STK11: variants seen among roughly 807,000 people sequenced by gnomAD.
The protein encoded by STK11 is serine/threonine kinase 11.
A neutral mutation model predicts 47.3 loss-of-function variants in STK11; 8 were observed. The observed-to-expected ratio is 0.17, with a 90% confidence interval of 0.10 to 0.31. STK11 has a LOEUF of 0.31. STK11 is among the 10% of genes least tolerant of loss of function. The pLI, the probability that STK11 is intolerant of heterozygous loss-of-function variation, is 1.00. For missense variants in STK11, 475 were observed against 605.0 expected, an observed-to-expected ratio of 0.79 and a Z score of 2.25; for synonymous variants, 330 against 255.8, an observed-to-expected ratio of 1.29 and a Z score of -2.77.
chr19:1,226,435 C>T lies in STK11; in HGVS notation c.1109-19C>T. ...GTTGCGCCCCTCAGCTCAGGCCACACTTGCCGTCTCCCTCCCAGGACAGGT... is the reference window on the plus strand; with the variant it reads ...GTTGCGCCCCTCAGCTCAGGCCACATTTGCCGTCTCCCTCCCAGGACAGGT... On this transcript the variant is annotated intron_variant, in intron 8 of 9. Transcript: ENST00000326873. 6.2e-7 allele frequency: 1 copy of T among 1,607,326 alleles called. No individual in the cohort carries two copies. Among genetic ancestry groups the T allele is most frequent in the African/African-American group, 1.3e-5 (1 of 74,914 alleles).
intron 1 of STK11, 26 bp from the exon 2 acceptor site, chr19:1,218,391 A>AT (rs1568703156): frequency 6.2e-7 from 1 of 1,603,254 alleles, no homozygotes; most frequent in Non-Finnish European, 8.5e-7. Flanking sequence ...GGGTCGGCTG[A>AT]TACACCCCTG....
intron 1 of STK11, among the ~76,000 whole-genome samples, chr19:1,216,059 T>C (rs2080742803): frequency 1.3e-5 from 2 of 151,858 alleles, no homozygotes; most frequent in African/African-American, 4.8e-5. Flanking sequence ...TGCTCCATGC[T>C]TGGGCTTCCT....
chr19:1,208,028 C>T (rs942848253), intron 1 of STK11, among the ~76,000 whole-genome samples: 2 of 152,360 alleles, frequency 1.3e-5, no homozygotes, highest in African/African-American at 4.8e-5. Flanking sequence ...GCTGCACCTG[C>T]CGCCGCCTGG....
intron 8 of STK11, chr19:1,224,640 T>A (rs995762918): frequency 8.3e-5 from 82 of 985,460 alleles, no homozygotes; most frequent in Non-Finnish European, 9.9e-5. Flanking sequence ...CGGCACTGGC[T>A]TCCCTCCTGG....
intron 1 of STK11, among the ~76,000 whole-genome samples, chr19:1,215,719 T>C (rs1203201759): frequency 3.3e-5 from 5 of 151,312 alleles, no homozygotes; most frequent in Non-Finnish European, 7.4e-5. Flanking sequence ...GAAGGCTGGG[T>C]CGTGGGATAC....
In STK11 at chr19:1,227,804, T is replaced by C. The variant is rs1047906691; in HGVS notation, c.*228T>C. ...CCGGCAGTGCACGCGGCTTGTTGAC[T>C]TCGCAGCCCCGGGCGGAGCCTTCCC... On this transcript the variant is annotated 3_prime_UTR_variant, in exon 10 of 10. Coordinates refer to ENST00000326873, the MANE Select transcript of STK11 (RefSeq NM_000455.5). 3.7e-6 allele frequency: 4 copies of C among 1,072,956 alleles called. No individual in the cohort carries two copies. The highest frequency in any genetic ancestry group is 4.5e-6 in the Non-Finnish European group (4 of 884,024). 66.5% of individuals were successfully genotyped at this position (1,072,956 alleles called of 1,614,324 possible).
chr19:1,211,401 C>T (rs1043432324), intron 1 of STK11, among the ~76,000 whole-genome samples: 25 of 152,124 alleles, frequency 1.6e-4, no homozygotes, highest in Admixed American at 5.2e-4. Flanking sequence ...AGCCCGACTC[C>T]CCGTGCTTCT....
Position 1,228,177 on chromosome 19 carries a change from G to A in STK11, c.*601G>A, listed in dbSNP as rs575695993. ...GGGCTCACGTCGCGGCCGCCTTTGC[G>A]CTCTCGGGTCACCCTGCTTTGGCGG... On this transcript the variant is annotated 3_prime_UTR_variant, in exon 10 of 10. Coordinates refer to ENST00000326873, the MANE Select transcript of STK11 (RefSeq NM_000455.5). 1.3e-4 allele frequency: 132 copies of A among 1,051,094 alleles called. 1 individual carries two copies. In the African/African-American group the frequency reaches 1.9e-3, roughly 15 times the overall value. 65.1% of individuals were successfully genotyped at this position (1,051,094 alleles called of 1,614,324 possible).
At chr19:1,209,961 C>T (rs1165143035) in intron 1 of STK11, among the ~76,000 whole-genome samples, 1 of 152,168 alleles carries the variant, frequency 6.6e-6, no homozygotes, top group Non-Finnish European at 1.5e-5. Context: ...GAGTGATGCA[C>T]CCTCACTAGT....
intron 8 of STK11, chr19:1,225,901 C>T: frequency 1.0e-6 from 1 of 990,116 alleles, no homozygotes; most frequent in Non-Finnish European, 1.2e-6. Context: ...CTGTGGGTTT[C>T]ACCAGGGTGC....
At chr19:1,207,492 C>T (rs992504170) in intron 1 of STK11, among the ~76,000 whole-genome samples, 1 of 152,306 alleles carries the variant, frequency 6.6e-6, no homozygotes, top group Non-Finnish European at 1.5e-5. Context: ...GGGAGCGGCC[C>T]CCAATCCCCT....
At chr19:1,219,567 A>G (rs1342953270) in intron 3 of STK11, among the ~76,000 whole-genome samples, 154 bp downstream of exon 3, 2 of 150,080 alleles carry the variant, frequency 1.3e-5, no homozygotes, top group East Asian at 3.9e-4. Flanking sequence ...TTTTTTCGAG[A>G]TGGAGTCTCA....
rs765367492 is a variant in STK11 at position 1,207,037 on chromosome 19, C to T, written c.124C>T (p.Arg42Trp). ...TEVIYQPRRK[R>W]AKLIGKYLMG... is the part of the protein sequence containing the mutation. Reference sequence around the variant, plus strand: ...GGTCATCTACCAGCCGCGCCGCAAGCGGGCCAAGCTCATCGGCAAGTACCT... The same window carrying T: ...GGTCATCTACCAGCCGCGCCGCAAGTGGGCCAAGCTCATCGGCAAGTACCT... The change falls in exon 1 of 10, where the codon CGG becomes TGG. Residue 42 changes from arginine to tryptophan, a missense_variant. Transcript: ENST00000326873. The T allele has an allele frequency of 1.9e-6, 3 of 1,613,768 alleles. No individual in the cohort carries two copies. Among genetic ancestry groups the T allele is most frequent in the South Asian group, 1.1e-5 (1 of 91,068 alleles).
At chr19:1,226,792 C>G in intron 9 of STK11, 129 bp downstream of exon 9, 1 of 1,186,076 alleles carries the variant, frequency 8.4e-7, no homozygotes, top group South Asian at 1.7e-5. Flanking sequence ...GCCATGTGGC[C>G]TTTGGGTGGC....
intron 8 of STK11, 78 bp from the exon 9 acceptor site, chr19:1,226,375 GT>G: frequency 6.4e-7 from 1 of 1,553,906 alleles, no homozygotes; most frequent in South Asian, 1.2e-5. Flanking sequence ...GTGCGTCCCC[GT>G]GGTGGGGGCC....
chr19:1,211,143 C>G (rs1415228830), intron 1 of STK11, among the ~76,000 whole-genome samples: 1 of 152,190 alleles, frequency 6.6e-6, no homozygotes, highest in Non-Finnish European at 1.5e-5. Flanking sequence ...GGCGTGGTGG[C>G]GCGCGCCTGT....
At chr19:1,216,080 A>C (rs896896900) in intron 1 of STK11, among the ~76,000 whole-genome samples, 1 of 151,910 alleles carries the variant, frequency 6.6e-6, no homozygotes, top group Admixed American at 6.6e-5. Context: ...GTTAAGAATT[A>C]AAAAAGAAAA....
intron 8 of STK11, chr19:1,225,876 T>A (rs776067451): frequency 1.3e-4 from 129 of 987,234 alleles, no homozygotes; most frequent in Non-Finnish European, 1.5e-4. Flanking sequence ...CTGGGCAGGG[T>A]GGGCAGCCCC....
chr19:1,227,756 C>G lies in STK11; in HGVS notation c.*180C>G. 1 of 1,073,448 alleles carries G rather than the reference C, an allele frequency of 9.3e-7. No homozygotes were observed. The highest frequency in any genetic ancestry group is 1.6e-5 in the African/African-American group (1 of 61,248). 66.5% of individuals were successfully genotyped at this position (1,073,448 alleles called of 1,614,324 possible). A position where few individuals can be genotyped will look rare whatever the true frequency, so the allele number is the denominator to read the frequency against. On this transcript the variant is annotated 3_prime_UTR_variant, in exon 10 of 10. Coordinates refer to ENST00000326873, the MANE Select transcript of STK11 (RefSeq NM_000455.5). ...GGGCAGGGGGACAGCAGGGACCGGG[C>G]GCAGCCCTCCCCCCTCGGCCGCCCG...
Sources: allele counts gnomAD v4.1 joint callset (sites outside exome capture counted in the v4.1 genomes callset), GRCh38; gene constraint gnomAD v4.1.1; transcripts MANE v1.5; gene names NCBI Gene and HGNC (gene_info 2026-07-23, HGNC 2026-07-21).